Variants in ADARB2 observed in about 807,000 individuals in gnomAD.
ADARB2 encodes the protein adenosine deaminase RNA specific B2 (inactive).
Under a neutral mutation model 62.2 loss-of-function variants are expected in ADARB2, and 25 were observed. The ratio of observed to expected loss-of-function variants is 0.40; its 90% CI spans 0.29 to 0.56. ADARB2 has a LOEUF of 0.56. Among genes scored for constraint, ADARB2 ranks in the 20% least tolerant of loss-of-function variants. The probability of loss-of-function intolerance (pLI) is 0.43; values close to 1 mark genes in which losing one functional copy is unlikely to be tolerated. For synonymous variants in ADARB2, 572 were observed against 500.8 expected (o/e 1.14, Z -1.90); for missense variants, 1,071 against 1,077.4 (o/e 0.99, Z 0.08).
intron 1 of ADARB2, among the ~76,000 whole-genome samples, chr10:1,494,685 T>C (rs1434313376): frequency 1.3e-5 from 2 of 152,168 alleles, no homozygotes; most frequent in Admixed American, 1.3e-4. Context: ...TTTAGAGTGA[T>C]TAAATAATTG....
intron 3 of ADARB2, among the ~76,000 whole-genome samples, chr10:1,296,432 A>G (rs1405102510): frequency 6.6e-6 from 1 of 152,192 alleles, no homozygotes; most frequent in Non-Finnish European, 1.5e-5. Context: ...TGAAATGGTT[A>G]TTGGCTACTG....
rs549691966 is a variant in ADARB2, at chr10:1,545,777, G to A, written c.101-166617C>T. ...GCAGAGGCAGAAGCGCAGTGAGGGC[G>A]CACGGGGCATGTAGTCAGTGCCCTG... On this transcript the variant is annotated intron_variant, in intron 1 of 9. Coordinates refer to ENST00000381312, the MANE Select transcript of ADARB2 (RefSeq NM_018702.4). Among the ~76,000 whole-genome samples, 27 of 152,322 alleles carry A rather than the reference G, an allele frequency of 1.8e-4. No homozygotes were observed. The East Asian group carries it at 2.1e-3, about 12-fold the overall frequency.
intron 1 of ADARB2, among the ~76,000 whole-genome samples, chr10:1,505,376 G>GTTTT (rs1325240058): frequency 2.1e-5 from 3 of 144,292 alleles, no homozygotes; most frequent in African/African-American, 2.5e-5. Context: ...GGATCGGAGG[G>GTTTT]TTTTTGTTTT....
chr10:1,420,819 C>T (rs1445122766), intron 1 of ADARB2, among the ~76,000 whole-genome samples: 2 of 152,110 alleles, frequency 1.3e-5, no homozygotes, highest in Non-Finnish European at 2.9e-5. Flanking sequence ...ATTAGAGCCC[C>T]GTCCTGAAAG....
chr10:1,243,941 A>G (rs1187219927), intron 4 of ADARB2, among the ~76,000 whole-genome samples: 1 of 152,140 alleles, frequency 6.6e-6, no homozygotes, highest in East Asian at 1.9e-4. Context: ...TCAGGAAGTG[A>G]CCAGACTTCC....
intron 1 of ADARB2, among the ~76,000 whole-genome samples, chr10:1,690,700 G>C (rs985804763): frequency 6.6e-6 from 1 of 152,092 alleles, no homozygotes; most frequent in African/African-American, 2.4e-5. Flanking sequence ...ACCCCACGTC[G>C]AGGAAGCCCA....
intron 1 of ADARB2, among the ~76,000 whole-genome samples, chr10:1,437,245 T>C (rs201251061): frequency 5.9e-5 from 5 of 84,116 alleles, no homozygotes; most frequent in Admixed American, 1.6e-4. Flanking sequence ...CACACACACA[T>C]ATATATACAC....
chr10:1,633,130 G>A (rs1200402894), intron 1 of ADARB2, among the ~76,000 whole-genome samples: 2 of 152,094 alleles, frequency 1.3e-5, no homozygotes, highest in African/African-American at 2.4e-5. Context: ...TCTGCCTCTG[G>A]ACTCAGGCTA....
At chr10:1,516,053 C>T (rs1832004822) in intron 1 of ADARB2, among the ~76,000 whole-genome samples, 2 of 152,190 alleles carry the variant, frequency 1.3e-5, no homozygotes, top group South Asian at 2.1e-4. Context: ...AGTCAGAGCC[C>T]AGAGGACGGC....
intron 1 of ADARB2, among the ~76,000 whole-genome samples, chr10:1,405,456 C>A (rs892015894): frequency 1.3e-5 from 2 of 151,826 alleles, no homozygotes; most frequent in Non-Finnish European, 2.9e-5. Flanking sequence ...GTGGCAAAAC[C>A]CTGTCTCTAC....
intron 1 of ADARB2, among the ~76,000 whole-genome samples, chr10:1,651,865 G>A (rs945326932): frequency 5.3e-5 from 8 of 152,000 alleles, no homozygotes; most frequent in African/African-American, 1.9e-4. Context: ...CCCAGGGTTG[G>A]TTCCCAGTGG....
intron 2 of ADARB2, among the ~76,000 whole-genome samples, chr10:1,364,933 C>T (rs1360393710): frequency 4.7e-5 from 7 of 149,914 alleles, no homozygotes; most frequent in East Asian, 2.0e-4. Flanking sequence ...AGGGCAGTGG[C>T]GCGATCTTGG....
intron 1 of ADARB2, among the ~76,000 whole-genome samples, chr10:1,536,389 C>G (rs1367473628): frequency 6.6e-6 from 1 of 152,232 alleles, no homozygotes; most frequent in Non-Finnish European, 1.5e-5. Flanking sequence ...ATTGTTTAAA[C>G]TAAACCACCA....
Position 1,486,283 on chromosome 10 carries a change from A to T in ADARB2, c.101-107123T>A, listed in dbSNP as rs544881127. ...ATCTCAGAGATGCTTTCTAGATGGC[A>T]TCTATTCCAGGTTTATCTGTTTGGG... On this transcript the variant is annotated intron_variant, in intron 1 of 9. Transcript: ENST00000381312. 1.6e-3 allele frequency among the ~76,000 whole-genome samples: 243 copies of T among 151,826 alleles called. 1 individual carries two copies. Among genetic ancestry groups the T allele is most frequent in the Non-Finnish European group, 2.6e-3 (179 of 67,994 alleles).
At chr10:1,209,985 T>C (rs1050357130) in intron 7 of ADARB2, among the ~76,000 whole-genome samples, 2 of 152,200 alleles carry the variant, frequency 1.3e-5, no homozygotes, top group Non-Finnish European at 2.9e-5. Flanking sequence ...CCACTGACAT[T>C]GTGAAGTGAA....
chr10:1,248,414 C>T (rs1013072287), intron 4 of ADARB2, among the ~76,000 whole-genome samples: 3 of 151,842 alleles, frequency 2.0e-5, no homozygotes, highest in Non-Finnish European at 4.4e-5. Flanking sequence ...CCTGAGGTCC[C>T]GTCTCCAGCT....
intron 1 of ADARB2, among the ~76,000 whole-genome samples, chr10:1,454,630 C>T (rs1831075500): frequency 6.6e-6 from 1 of 152,124 alleles, no homozygotes. Flanking sequence ...AGAGTCCTCA[C>T]ACCCACAGAG....
chr10:1,574,545 G>A (rs1043357587), intron 1 of ADARB2, among the ~76,000 whole-genome samples: 2 of 151,942 alleles, frequency 1.3e-5, no homozygotes, highest in South Asian at 2.1e-4. Context: ...TTGGAGGCTG[G>A]GTGTCCAAGG....
intron 5 of ADARB2, among the ~76,000 whole-genome samples, chr10:1,234,892 G>A (rs776707599): frequency 1.3e-5 from 2 of 151,894 alleles, no homozygotes; most frequent in Non-Finnish European, 2.9e-5. Context: ...GGGATTACAG[G>A]TGCATGCCAC....
Sources: gnomAD v4.1 joint callset for allele counts (sites outside exome capture counted in the v4.1 genomes callset) on GRCh38, gnomAD v4.1.1 for gene constraint, MANE v1.5 for transcripts, NCBI Gene and HGNC (gene_info 2026-07-23, HGNC 2026-07-21) for gene names.